The following SLC41A2 variants were observed in gnomAD, a reference collection of about 807,000 sequenced individuals.
SLC41A2 encodes solute carrier family 41 member 2.
SLC41A2 carries 32 observed loss-of-function variants against 58.3 expected under a neutral mutation model. The observed-to-expected ratio is 0.55, with a 90% CI of 0.41 to 0.74. SLC41A2 has a LOEUF of 0.74. Among genes scored for constraint, SLC41A2 ranks in the 30% least tolerant of loss-of-function variants. SLC41A2 has a pLI of 0.00. For missense variants in SLC41A2, 514 were observed against 680.6 expected, an observed-to-expected ratio of 0.76 and a Z score of 2.72; for synonymous variants, 190 against 235.0, an observed-to-expected ratio of 0.81 and a Z score of 1.75.
intron 3 of SLC41A2, 129 bp from the exon 4 acceptor site, chr12:104,895,474 T>G (rs2045234132): frequency 1.5e-6 from 1 of 649,428 alleles, no homozygotes; most frequent in Non-Finnish European, 2.7e-6. Context: ...ACATTGTACT[T>G]TGAAAATAAT....
intron 10 of SLC41A2, among the ~76,000 whole-genome samples, chr12:104,839,861 C>G (rs536142407): frequency 1.3e-5 from 2 of 152,170 alleles, no homozygotes; most frequent in Non-Finnish European, 2.9e-5. Flanking sequence ...TGTCATCCAA[C>G]AGATGACATG....
rs1196087805 is a variant in SLC41A2, at chr12:104,803,916, C to CCTAT, written c.*1232_*1235dup. On this transcript the variant is annotated 3_prime_UTR_variant, in exon 11 of 11. Coordinates refer to ENST00000258538, the MANE Select transcript of SLC41A2 (RefSeq NM_001352171.3). ...TGAATCACTTGCTCATTTTAAATCTCCTATCTTGATTATATTAAATAGTAC... is the reference window on the plus strand; with the variant it reads ...TGAATCACTTGCTCATTTTAAATCTCCTATCTATCTTGATTATATTAAATAGTAC... 2.6e-5 allele frequency: 4 copies of CCTAT among 151,566 alleles called. No homozygotes were observed. Among genetic ancestry groups the CCTAT allele is most frequent in the Admixed American group, 1.3e-4 (2 of 15,196 alleles). 9.4% of individuals were successfully genotyped at this position (151,566 alleles called of 1,614,324 possible). A position where few individuals can be genotyped will look rare whatever the true frequency, so the allele number is the denominator to read the frequency against.
rs1158458485 is a variant in SLC41A2 at position 104,818,475 on chromosome 12, A to T, written c.1537-13138T>A. On this transcript the variant is annotated intron_variant, in intron 10 of 10. Transcript: ENST00000258538. ...GGAATGGAAAGTAGCACAAAGATAT[A>T]AAGAGTTGGGAAATATGAAAATAGA... 3.3e-5 allele frequency among the ~76,000 whole-genome samples: 5 copies of T among 152,360 alleles called. No homozygotes were observed. The East Asian group carries it at 7.7e-4, about 23-fold the overall frequency.
chr12:104,836,187 G>A (rs1025797731), intron 10 of SLC41A2, among the ~76,000 whole-genome samples: 10 of 152,136 alleles, frequency 6.6e-5, no homozygotes, highest in African/African-American at 2.4e-4. Context: ...ATGTAGACTG[G>A]AGCCAGTCTC....
chr12:104,863,203 C>G (rs979411390), intron 7 of SLC41A2, among the ~76,000 whole-genome samples: 1 of 152,196 alleles, frequency 6.6e-6, no homozygotes, highest in Non-Finnish European at 1.5e-5. Flanking sequence ...TCCGGGAGGC[C>G]GAAGTGAGAG....
At chr12:104,852,081 T>C (rs1482439155) in intron 8 of SLC41A2, among the ~76,000 whole-genome samples, 1 of 152,202 alleles carries the variant, frequency 6.6e-6, no homozygotes, top group African/African-American at 2.4e-5. Flanking sequence ...AACTACATAA[T>C]GCAAGCATTT....
At position 104,805,059 on chromosome 12, in the gene SLC41A2, T is replaced by C. The variant is rs1012562352; in HGVS notation, c.*93A>G. 3.5e-6 allele frequency: 4 copies of C among 1,156,962 alleles called. No homozygotes were observed. Among genetic ancestry groups the C allele is most frequent in the Non-Finnish European group, 3.6e-6 (3 of 840,640 alleles). The allele number at this position is 1,156,962 out of a possible 1,614,324, so 71.7% of individuals were successfully genotyped here. A position where few individuals can be genotyped will look rare whatever the true frequency, so the allele number is the denominator to read the frequency against. On this transcript the variant is annotated 3_prime_UTR_variant, in exon 11 of 11. Coordinates refer to ENST00000258538, the MANE Select transcript of SLC41A2 (RefSeq NM_001352171.3). The stretch of plus-strand genomic sequence containing the variant: ...CAACTGAAGATTACCCTGGCAAAAG[T>C]CAAACTACTGATTTAAGAGTTTTGA...
At chr12:104,870,642 G>A (rs2043721539) in intron 6 of SLC41A2, among the ~76,000 whole-genome samples, 1 of 152,150 alleles carries the variant, frequency 6.6e-6, no homozygotes, top group African/African-American at 2.4e-5. Context: ...TCGCTCTGAT[G>A]CCTCCTAACT....
At chr12:104,956,501 A>T (rs1289572187) in intron 1 of SLC41A2, among the ~76,000 whole-genome samples, 1 of 152,176 alleles carries the variant, frequency 6.6e-6, no homozygotes, top group African/African-American at 2.4e-5. Flanking sequence ...CAACATGGTG[A>T]AACCACGTCT....
At chr12:104,940,361 G>C (rs957739345) in intron 1 of SLC41A2, among the ~76,000 whole-genome samples, 1 of 150,748 alleles carries the variant, frequency 6.6e-6, no homozygotes, top group Admixed American at 6.6e-5. Context: ...TGGGGGGGAG[G>C]GGGGAGGGAT....
At chr12:104,900,803 A>C (rs908270246) in intron 3 of SLC41A2, among the ~76,000 whole-genome samples, 1 of 152,224 alleles carries the variant, frequency 6.6e-6, no homozygotes, top group Non-Finnish European at 1.5e-5. Context: ...CATAGTTATT[A>C]ATATAATTAT....
intron 10 of SLC41A2, among the ~76,000 whole-genome samples, chr12:104,815,485 G>C (rs1235446418): frequency 6.6e-6 from 1 of 152,056 alleles, no homozygotes; most frequent in Non-Finnish European, 1.5e-5. Context: ...TGCTTTGGAT[G>C]ATATTGATTC....
chr12:104,955,548 C>T (rs992830502), intron 1 of SLC41A2, among the ~76,000 whole-genome samples: 2 of 152,170 alleles, frequency 1.3e-5, no homozygotes, highest in South Asian at 2.1e-4. Context: ...TTGCCCACAC[C>T]GTATTCAGAA....
chr12:104,827,255 A>C (rs1352514937), intron 10 of SLC41A2, among the ~76,000 whole-genome samples: 1 of 152,108 alleles, frequency 6.6e-6, no homozygotes, highest in African/African-American at 2.4e-5. Context: ...AGGAAGCTAT[A>C]AAAACAGGTC....
intron 6 of SLC41A2, among the ~76,000 whole-genome samples, chr12:104,869,386 C>T (rs2043643085): frequency 6.6e-6 from 1 of 152,130 alleles, no homozygotes; most frequent in Non-Finnish European, 1.5e-5. Flanking sequence ...AAAGGATATA[C>T]ACACGTACAT....
intron 3 of SLC41A2, among the ~76,000 whole-genome samples, chr12:104,897,144 C>CTTTT (rs71440558): frequency 5.0e-5 from 6 of 120,292 alleles, no homozygotes; most frequent in East Asian, 2.3e-4. Context: ...TTTCTTTTTT[C>CTTTT]TTTTTTTTTT....
chr12:104,824,455 G>A (rs542764098), intron 10 of SLC41A2, among the ~76,000 whole-genome samples: 13 of 152,262 alleles, frequency 8.5e-5, no homozygotes, highest in African/African-American at 2.6e-4. Context: ...CGACTCCAGG[G>A]GAAAACCATC....
At chr12:104,835,292 C>A (rs955168834) in intron 10 of SLC41A2, among the ~76,000 whole-genome samples, 2 of 152,074 alleles carry the variant, frequency 1.3e-5, no homozygotes, top group African/African-American at 4.8e-5. Context: ...TGTGTCAGAT[C>A]TCTCAAGTTT....
chr12:104,839,320 T>A (rs1486618148), intron 10 of SLC41A2, among the ~76,000 whole-genome samples: 2 of 152,110 alleles, frequency 1.3e-5, no homozygotes, highest in Admixed American at 1.3e-4. Flanking sequence ...ACTCCATATA[T>A]ACATAATCAT....
Sources: allele counts gnomAD v4.1 joint callset (sites outside exome capture counted in the v4.1 genomes callset), GRCh38; gene constraint gnomAD v4.1.1; transcripts MANE v1.5; gene names NCBI Gene and HGNC (gene_info 2026-07-23, HGNC 2026-07-21).